MCTP2: variants seen among roughly 807,000 people sequenced by gnomAD.
The protein encoded by MCTP2 is multiple C2 and transmembrane domain containing 2.
A neutral mutation model predicts 111.6 loss-of-function variants in MCTP2; 132 were observed. The ratio of observed to expected loss-of-function variants is 1.18; its 90% CI spans 1.03 to 1.37. The LOEUF (loss-of-function observed/expected upper bound fraction) is 1.37, where lower values mean the gene tolerates loss of function less well. Among genes scored for constraint, MCTP2 ranks in the 40% most tolerant of loss-of-function variants. The probability of loss-of-function intolerance (pLI) is 0.00; values close to 1 mark genes in which losing one functional copy is unlikely to be tolerated. For synonymous variants in MCTP2, 395 were observed against 387.7 expected (o/e 1.02, Z -0.22); for missense variants, 1,183 against 1,067.9 (o/e 1.11, Z -1.50).
rs2076125779 is a variant in MCTP2 at position 94,311,268 on chromosome 15, C to CCGAT, written c.466-3012_466-3011insATCG. 2.0e-5 allele frequency among the ~76,000 whole-genome samples: 3 copies of CCGAT among 151,838 alleles called. No homozygotes were observed. In the South Asian group the frequency reaches 6.2e-4, roughly 32 times the overall value. On this transcript the variant is annotated intron_variant, in intron 2 of 22. Transcript: ENST00000357742. ...TCTCGAACTCCTGACCTCAGGTGAT[C>CCGAT]CGCCCACCTTGGCCTCCCAAAGTGC...
intron 20 of MCTP2, among the ~76,000 whole-genome samples, chr15:94,469,864 T>TAAAGCAGGAGGATCGTTTGAGCCTGGGGG (rs2073764923): frequency 6.6e-6 from 1 of 151,524 alleles, no homozygotes; most frequent in African/African-American, 2.4e-5. Context: ...AGCAAGATCC[T>TAAAGCAGGAGGATCGTTTGAGCCTGGGGG]GTCTCAAAAA....
intron 7 of MCTP2, chr15:94,342,480 G>A (rs1382404045): frequency 6.6e-6 from 1 of 151,980 alleles, no homozygotes; most frequent in East Asian, 1.9e-4. Context: ...CAGAATGTCT[G>A]TCCGCTCACT....
intron 12 of MCTP2, 69 bp downstream of exon 12, chr15:94,370,249 G>A (rs865855893): frequency 1.8e-5 from 23 of 1,264,958 alleles, no homozygotes; most frequent in Middle Eastern, 1.9e-4. Flanking sequence ...TCCTGGCAAA[G>A]CAAAATGCTT....
chr15:94,329,279 C>A (rs1482151455), intron 4 of MCTP2, among the ~76,000 whole-genome samples: 2 of 152,150 alleles, frequency 1.3e-5, no homozygotes, highest in African/African-American at 2.4e-5. Flanking sequence ...CTTTCCTCAT[C>A]CTTTAAAAAA....
At chr15:94,248,553 A>C (rs2072180252) in intron 1 of MCTP2, among the ~76,000 whole-genome samples, 1 of 152,156 alleles carries the variant, frequency 6.6e-6, no homozygotes, top group Non-Finnish European at 1.5e-5. Context: ...TGACGCTTAA[A>C]ATATGTTCTT....
At position 94,273,780 on chromosome 15, in the gene MCTP2, G is replaced by A. The variant is rs558349692; in HGVS notation, c.-65-24421G>A. The A allele has an allele frequency of 4.6e-4, 89 of 195,040 alleles. 1 individual carries two copies. Among genetic ancestry groups the A allele is most frequent in the Non-Finnish European group, 8.7e-4 (74 of 84,610 alleles). The allele number at this position is 195,040 out of a possible 1,614,324, so 12.1% of individuals were successfully genotyped here. ...TGCACACCCACACACACTTCCTTGT[G>A]TCCCTTATTCAGAAAGAAATATGTC... On this transcript the variant is annotated intron_variant, in intron 1 of 22. Transcript: ENST00000357742.
At chr15:94,314,156 G>C in intron 2 of MCTP2, 126 bp from the exon 3 acceptor site, 1 of 625,608 alleles carries the variant, frequency 1.6e-6, no homozygotes, top group Non-Finnish European at 2.9e-6. Context: ...ACAGGAAGGC[G>C]GCCCTCACTG....
chr15:94,279,578 C>A (rs1466891515), intron 1 of MCTP2, among the ~76,000 whole-genome samples: 1 of 152,020 alleles, frequency 6.6e-6, no homozygotes, highest in African/African-American at 2.4e-5. Context: ...GTTTGACTTC[C>A]TCTCTTCCTA....
At chr15:94,264,807 A>G (rs955495977) in intron 1 of MCTP2, among the ~76,000 whole-genome samples, 3 of 152,202 alleles carry the variant, frequency 2.0e-5, no homozygotes, top group African/African-American at 7.2e-5. Context: ...AAGGGGAGGA[A>G]TTAGAGTAAA....
chr15:94,262,682 C>T (rs781296855), intron 1 of MCTP2, among the ~76,000 whole-genome samples: 4 of 149,484 alleles, frequency 2.7e-5, no homozygotes, highest in Non-Finnish European at 5.9e-5. Context: ...TGTGGGGGTG[C>T]GTGGAGGAGA....
intron 1 of MCTP2, among the ~76,000 whole-genome samples, chr15:94,258,370 CAA>C (rs2072970784): frequency 6.6e-6 from 1 of 152,114 alleles, no homozygotes; most frequent in Non-Finnish European, 1.5e-5. Flanking sequence ...AAAGGACATG[CAA>C]ATCTTTTTAT....
intron 17 of MCTP2, among the ~76,000 whole-genome samples, chr15:94,418,062 TTC>T: frequency 6.6e-6 from 1 of 152,246 alleles, no homozygotes. Flanking sequence ...GAGCATTTTT[TTC>T]TGTGTTCGTT....
At chr15:94,412,035 A>C (rs1028996064) in intron 17 of MCTP2, among the ~76,000 whole-genome samples, 9 of 152,162 alleles carry the variant, frequency 5.9e-5, no homozygotes, top group African/African-American at 1.9e-4. Flanking sequence ...GCAAGACCCA[A>C]CAGCTGTTGT....
rs902418810 is a variant in MCTP2 at position 94,483,185 on chromosome 15, A to G, written c.*4151A>G. On this transcript the variant is annotated 3_prime_UTR_variant, in exon 23 of 23. Coordinates refer to ENST00000357742, the MANE Select transcript of MCTP2 (RefSeq NM_001385001.1). ...CCCTATTAGCTGCAAAAAATTCTTC[A>G]TGGGCTTGAGATGGAGTTAGCCATA... 6.6e-6 allele frequency: 1 copy of G among 152,208 alleles called. No homozygotes were observed. Among genetic ancestry groups the G allele is most frequent in the Middle Eastern group, 3.2e-3 (1 of 316 alleles). The allele number at this position is 152,208 out of a possible 1,614,324, so 9.4% of individuals were successfully genotyped here. A position where few individuals can be genotyped will look rare whatever the true frequency, so the allele number is the denominator to read the frequency against.
Position 94,298,579 on chromosome 15 carries a change from G to A in MCTP2, c.314G>A (p.Trp105Ter). The A allele has an allele frequency of 1.2e-6, 2 of 1,614,106 alleles. No homozygotes were observed. The highest frequency in any genetic ancestry group is 1.7e-6 in the Non-Finnish European group (2 of 1,180,020). The change falls in exon 2 of 23, where the codon TGG becomes TAG. Residue 105 changes from tryptophan (W) to a stop codon, truncating the protein, a stop_gained. Coordinates refer to ENST00000357742, the MANE Select transcript of MCTP2 (RefSeq NM_001385001.1). LOFTEE classifies it high-confidence loss of function. Reference protein sequence around the residue: ...SLKQSEEELDWSQEEASHLHV... With the variant: ...SLKQSEEELD The stretch of plus-strand genomic sequence containing the variant: ...AAACAGTCTGAAGAAGAATTGGATT[G>A]GAGCCAGGAAGAAGCCAGTCACCTC...
intron 1 of MCTP2, among the ~76,000 whole-genome samples, chr15:94,242,422 C>T (rs891125374): frequency 1.3e-5 from 2 of 152,078 alleles, no homozygotes; most frequent in Non-Finnish European, 2.9e-5. Context: ...AATAAGCAAA[C>T]CTACAGAGGT....
chr15:94,474,688 A>G (rs6497210), intron 21 of MCTP2, among the ~76,000 whole-genome samples: 112,178 of 152,014 alleles, frequency 0.74, 42,131 homozygotes, highest in African/African-American at 0.88. Flanking sequence ...GCGAAACCCC[A>G]TCTCTTAAAA....
intron 14 of MCTP2, among the ~76,000 whole-genome samples, chr15:94,391,695 T>C (rs1490019570): frequency 6.6e-6 from 1 of 152,190 alleles, no homozygotes; most frequent in African/African-American, 2.4e-5. Flanking sequence ...ATAACGCAAA[T>C]TTCCTATTGG....
In MCTP2 at chr15:94,276,132, CCG is replaced by C. The variant is rs2074197863; in HGVS notation, c.-65-22068_-65-22067del. 2.6e-5 allele frequency among the ~76,000 whole-genome samples: 4 copies of C among 152,248 alleles called. No individual in the cohort carries two copies. In the East Asian group the frequency reaches 5.8e-4, roughly 22 times the overall value. On this transcript the variant is annotated intron_variant, in intron 1 of 22. Coordinates refer to ENST00000357742, the MANE Select transcript of MCTP2 (RefSeq NM_001385001.1). ...GTGCTGGGATTACAGGTGTGAGCCA[CCG>C]TGCCTGGCCTTTATAAGTGTTTTTA...
Sources: allele counts gnomAD v4.1 joint callset (sites outside exome capture counted in the v4.1 genomes callset), GRCh38; gene constraint gnomAD v4.1.1; transcripts MANE v1.5; gene names NCBI Gene and HGNC (gene_info 2026-07-23, HGNC 2026-07-21).